LYPD6B: variants seen among roughly 807,000 people sequenced by gnomAD.
LYPD6B encodes ly6/PLAUR domain-containing protein 6B.
A neutral mutation model predicts 22.8 loss-of-function variants in LYPD6B; 17 were observed. The ratio of observed to expected loss-of-function variants is 0.75; its 90% CI spans 0.51 to 1.12. The LOEUF (loss-of-function observed/expected upper bound fraction) is 1.12, where lower values mean the gene tolerates loss of function less well. Among genes scored for constraint, LYPD6B ranks in the 50% most tolerant of loss-of-function variants. The probability of loss-of-function intolerance (pLI) is 0.00; values close to 1 mark genes in which losing one functional copy is unlikely to be tolerated. For missense variants in LYPD6B, 221 were observed against 258.3 expected (o/e 0.86, Z 0.99); for synonymous variants, 106 against 91.6 (o/e 1.16, Z -0.90).
At chr2:149,211,459 AC>A (rs1466945475) in intron 5 of LYPD6B, among the ~76,000 whole-genome samples, 2 of 152,132 alleles carry the variant, frequency 1.3e-5, no homozygotes, top group African/African-American at 4.8e-5. Flanking sequence ...AATGAGGCTT[AC>A]CTTAATATGA....
chr2:149,074,267 T>C (rs898599252), intron 1 of LYPD6B, among the ~76,000 whole-genome samples: 2 of 123,264 alleles, frequency 1.6e-5, no homozygotes, highest in African/African-American at 3.1e-5. Flanking sequence ...CACGCATGCA[T>C]GCACACACAC....
intron 1 of LYPD6B, among the ~76,000 whole-genome samples, chr2:149,041,860 G>A (rs74348007): frequency 6.6e-6 from 1 of 152,182 alleles, no homozygotes. Context: ...CCTGAAACCT[G>A]GAAAAGCTTC....
At chr2:149,200,832 TA>T (rs1393403213) in intron 3 of LYPD6B, 1 of 152,204 alleles carries the variant, frequency 6.6e-6, no homozygotes, top group East Asian at 1.9e-4. Flanking sequence ...TCCCTATAAA[TA>T]TGCCTTGCAG....
chr2:149,107,142 A>G (rs1488533067), intron 1 of LYPD6B, among the ~76,000 whole-genome samples: 1 of 151,520 alleles, frequency 6.6e-6, no homozygotes, highest in African/African-American at 2.4e-5. Flanking sequence ...CTTTCTTAAA[A>G]TATCTTATTG....
At chr2:149,138,270 G>A (rs1376094468) in intron 2 of LYPD6B, among the ~76,000 whole-genome samples, 1 of 152,202 alleles carries the variant, frequency 6.6e-6, no homozygotes, top group Non-Finnish European at 1.5e-5. Flanking sequence ...TTATTAGCAG[G>A]TGGAATCTGA....
intron 1 of LYPD6B, among the ~76,000 whole-genome samples, chr2:149,104,877 T>G: frequency 6.6e-6 from 1 of 152,216 alleles, no homozygotes; most frequent in South Asian, 2.1e-4. Context: ...TATTCACTTA[T>G]TGTTTTTCTT....
chr2:149,154,298 C>G (rs1689558909), intron 2 of LYPD6B, among the ~76,000 whole-genome samples: 1 of 151,926 alleles, frequency 6.6e-6, no homozygotes, highest in Non-Finnish European at 1.5e-5. Flanking sequence ...GAAGAAAAGG[C>G]AGAGATTGGA....
At chr2:149,197,858 C>T (rs1027508437) in intron 3 of LYPD6B, among the ~76,000 whole-genome samples, 1 of 152,076 alleles carries the variant, frequency 6.6e-6, no homozygotes, top group Non-Finnish European at 1.5e-5. Flanking sequence ...TCCTAAAAAT[C>T]ATTTATGGAA....
chr2:149,197,227 G>T (rs1692864265), intron 3 of LYPD6B, among the ~76,000 whole-genome samples: 1 of 152,064 alleles, frequency 6.6e-6, no homozygotes, highest in Non-Finnish European at 1.5e-5. Context: ...TTAAAGAAAT[G>T]GTCAGGCTAG....
At chr2:149,162,481 GTGCTTTACTCGA>G (rs1428022095) in intron 3 of LYPD6B, among the ~76,000 whole-genome samples, 2 of 152,144 alleles carry the variant, frequency 1.3e-5, no homozygotes, top group East Asian at 3.9e-4. Flanking sequence ...ATTTACGGCT[GTGCTTTACTCGA>G]TGTCCACACT....
At chr2:149,183,064 A>G (rs73963738) in intron 3 of LYPD6B, among the ~76,000 whole-genome samples, 1,985 of 152,316 alleles carry the variant, frequency 0.013, 37 homozygotes, top group African/African-American at 0.045. Context: ...TATCAGGGAA[A>G]CAGGCATTCT....
At chr2:149,170,116 G>A (rs1690720666) in intron 3 of LYPD6B, among the ~76,000 whole-genome samples, 1 of 152,154 alleles carries the variant, frequency 6.6e-6, no homozygotes, top group African/African-American at 2.4e-5. Context: ...TGCCAAAAGT[G>A]GCCATCTTAA....
At chr2:149,090,456 CTTTG>C (rs1685599607) in intron 1 of LYPD6B, among the ~76,000 whole-genome samples, 3 of 152,074 alleles carry the variant, frequency 2.0e-5, no homozygotes, top group Non-Finnish European at 4.4e-5. Flanking sequence ...GAATTCTTTT[CTTTG>C]GGCTCAGGAG....
At chr2:149,210,888 G>C (rs1401352567) in intron 5 of LYPD6B, among the ~76,000 whole-genome samples, 3 of 152,116 alleles carry the variant, frequency 2.0e-5, no homozygotes, top group Non-Finnish European at 1.5e-5. Context: ...CACTGTATTA[G>C]TCCGTTCTTG....
At chr2:149,137,766 A>C (rs2105748315) in intron 2 of LYPD6B, among the ~76,000 whole-genome samples, 1 of 152,330 alleles carries the variant, frequency 6.6e-6, no homozygotes, top group African/African-American at 2.4e-5. Flanking sequence ...TATACATATA[A>C]CTTTGCACCT....
At chr2:149,203,273 G>A (rs1693290497) in intron 3 of LYPD6B, among the ~76,000 whole-genome samples, 1 of 152,132 alleles carries the variant, frequency 6.6e-6, no homozygotes, top group South Asian at 2.1e-4. Flanking sequence ...TGTAGATAAC[G>A]TGACACTGAA....
intron 1 of LYPD6B, among the ~76,000 whole-genome samples, chr2:149,107,724 A>G (rs1237718461): frequency 6.6e-6 from 1 of 152,210 alleles, no homozygotes; most frequent in African/African-American, 2.4e-5. Flanking sequence ...TATTATATTC[A>G]AAGAACATAT....
At chr2:149,162,792 C>T (rs775623925) in intron 3 of LYPD6B, among the ~76,000 whole-genome samples, 9 of 152,084 alleles carry the variant, frequency 5.9e-5, no homozygotes, top group African/African-American at 9.7e-5. Context: ...GAACTTTAAA[C>T]GTAACCAAGT....
At chr2:149,193,510 G>A (rs1436864579) in intron 3 of LYPD6B, among the ~76,000 whole-genome samples, 1 of 152,048 alleles carries the variant, frequency 6.6e-6, no homozygotes, top group Non-Finnish European at 1.5e-5. Flanking sequence ...AGGGTAGCAG[G>A]GAGTAGAAGA....
Sources: allele counts gnomAD v4.1 joint callset (sites outside exome capture counted in the v4.1 genomes callset), GRCh38; gene constraint gnomAD v4.1.1; transcripts MANE v1.5; gene names NCBI Gene and HGNC (gene_info 2026-07-23, HGNC 2026-07-21).